ZBBX: variants seen among roughly 807,000 people sequenced by gnomAD.
ZBBX encodes the protein zinc finger B-box domain containing, also known as zinc finger B-box domain-containing protein 1.
In ZBBX, 101 loss-of-function variants were observed where a neutral mutation model predicts 108.5. The ratio of observed to expected loss-of-function variants is 0.93; its 90% CI spans 0.79 to 1.10. The LOEUF (loss-of-function observed/expected upper bound fraction) is 1.10, where lower values mean the gene tolerates loss of function less well. ZBBX is among the 50% of genes least tolerant of loss of function. The probability of loss-of-function intolerance (pLI) is 0.00; values close to 1 mark genes in which losing one functional copy is unlikely to be tolerated. For synonymous variants in ZBBX, 356 were observed against 323.4 expected (o/e 1.10, Z -1.08); for missense variants, 1,009 against 941.4 (o/e 1.07, Z -0.94).
chr3:167,327,221 T>C (rs576286910), intron 11 of ZBBX, among the ~76,000 whole-genome samples: 8 of 149,664 alleles, frequency 5.3e-5, no homozygotes, highest in Admixed American at 1.3e-4. Context: ...CTGAAGTTCA[T>C]AGTGGTCCTT....
chr3:167,294,098 A>G (rs1731203602), intron 18 of ZBBX, among the ~76,000 whole-genome samples: 1 of 152,238 alleles, frequency 6.6e-6, no homozygotes, highest in African/African-American at 2.4e-5. Context: ...AAGAATCAAT[A>G]TCATGAAAAT....
chr3:167,327,779 TG>T (rs1458999947), intron 11 of ZBBX, among the ~76,000 whole-genome samples, 162 bp downstream of exon 11: 1 of 151,902 alleles, frequency 6.6e-6, no homozygotes, highest in Non-Finnish European at 1.5e-5. Context: ...CCAGGCATGG[TG>T]GCACGCACTT....
At position 167,305,822 on chromosome 3, in the gene ZBBX, T is replaced by G. The variant is rs1733537692; in HGVS notation, c.1546A>C (p.Asn516His). Reference protein sequence around the residue: ...LKEKNIGLESNQKSDDSCVSL... With the variant: ...LKEKNIGLESHQKSDDSCVSL... Reference sequence around the variant, plus strand: ...ACACAGGAATCATCAGACTTTTGATTACTTTCTAAACCTATATTTTTCTCC... The same window carrying G: ...ACACAGGAATCATCAGACTTTTGATGACTTTCTAAACCTATATTTTTCTCC... Residue 516 changes from asparagine to histidine, a missense_variant, in exon 17 of 22, where the codon AAT (asparagine) becomes CAT (histidine). Physicochemically the swap from Asn to His is moderately conservative, Grantham distance 68. Transcript: ENST00000675490. The G allele has an allele frequency of 6.2e-7, 1 of 1,612,686 alleles. No homozygotes were observed. The highest frequency in any genetic ancestry group is 1.3e-5 in the African/African-American group (1 of 75,008).
At chr3:167,206,522 AAT>A in the ZBBX span, among the ~76,000 whole-genome samples, 9 of 151,734 alleles carry the variant, frequency 5.9e-5, no homozygotes, top group African/African-American at 1.9e-4. Flanking sequence ...AAATAAAAAA[AAT>A]GTCATAATTT....
intron 20 of ZBBX, among the ~76,000 whole-genome samples, chr3:167,250,595 C>A (rs553848826): frequency 6.6e-6 from 1 of 151,124 alleles, no homozygotes; most frequent in African/African-American, 2.4e-5. Context: ...ACCGGAGCCT[C>A]GAAAGATGGC....
the ZBBX span, among the ~76,000 whole-genome samples, chr3:167,195,133 CT>C: frequency 6.6e-6 from 1 of 152,108 alleles, no homozygotes; most frequent in African/African-American, 2.4e-5. Context: ...ATGCAACTTC[CT>C]TCCTAAAGAA....
Position 167,314,055 on chromosome 3 carries a change from GA to G in ZBBX, c.1335del (p.His446MetfsTer11). 6.2e-7 allele frequency: 1 copy of G among 1,606,180 alleles called. No homozygotes were observed. Among genetic ancestry groups the G allele is most frequent in the Non-Finnish European group, 8.5e-7 (1 of 1,176,126 alleles). On this transcript the variant is annotated frameshift_variant, in exon 16 of 22. Coordinates refer to ENST00000675490, the MANE Select transcript of ZBBX (RefSeq NM_001199201.2). LOFTEE classifies it high-confidence loss of function. The stretch of plus-strand genomic sequence containing the variant: ...TCTCTCTTTCCCTTATCGAAAACAT[GA>G]TGTTGATGGATGCCATTTTCATATG... Reference protein sequence around the residue: ...SFPYENGIHQHHVFDKGKRDF... With the variant: ...SFPYENGIHQXHVFDKGKRDF...
Position 167,283,365 on chromosome 3 carries a change from C to T in ZBBX, c.1997-870G>A, listed in dbSNP as rs1391743806. On this transcript the variant is annotated intron_variant, in intron 19 of 21. Coordinates refer to ENST00000675490, the MANE Select transcript of ZBBX (RefSeq NM_001199201.2). ...TAAAAATTCATAGGGCAGGTAAATG[C>T]TTTAATGTAATAAATTATTGTTCTG... Among the ~76,000 whole-genome samples the T allele has an allele frequency of 2.6e-5, 4 of 152,158 alleles. No homozygotes were observed. In the East Asian group the frequency reaches 7.7e-4, roughly 29 times the overall value.
At chr3:167,222,093 T>C in the ZBBX span, among the ~76,000 whole-genome samples, 1 of 151,872 alleles carries the variant, frequency 6.6e-6, no homozygotes, top group Non-Finnish European at 1.5e-5. Flanking sequence ...ATTCAAGAGA[T>C]AGCTGCACTT....
chr3:167,317,704 G>C, intron 12 of ZBBX, 107 bp from the exon 13 acceptor site: 1 of 646,936 alleles, frequency 1.5e-6, no homozygotes, highest in South Asian at 2.3e-5. Context: ...CAAAATTAAT[G>C]ATGAAACCGT....
At chr3:167,244,307 T>C (rs894747242) in intron 20 of ZBBX, among the ~76,000 whole-genome samples, 2 of 152,182 alleles carry the variant, frequency 1.3e-5, no homozygotes, top group African/African-American at 4.8e-5. Context: ...CACCTTTACA[T>C]GTCCTAATGA....
At chr3:167,375,105 T>C (rs1018502333) in intron 2 of ZBBX, among the ~76,000 whole-genome samples, 2 of 152,158 alleles carry the variant, frequency 1.3e-5, no homozygotes, top group Non-Finnish European at 2.9e-5. Flanking sequence ...GTCTAGAAGC[T>C]TTGCTCTAAG....
Position 167,240,741 on chromosome 3 carries a change from T to C in ZBBX, c.*52A>G. ...GTAATCACTTGGTTACTTTTCTCAGTTGTTTGCTTTACTCTGGGTACAAAA... is the reference window on the plus strand; with the variant it reads ...GTAATCACTTGGTTACTTTTCTCAGCTGTTTGCTTTACTCTGGGTACAAAA... On this transcript the variant is annotated 3_prime_UTR_variant, in exon 22 of 22. Transcript: ENST00000675490. 4 of 1,582,902 alleles carry C rather than the reference T, an allele frequency of 2.5e-6. No individual in the cohort carries two copies. The South Asian group carries it at 4.7e-5, about 18-fold the overall frequency.
intron 20 of ZBBX, among the ~76,000 whole-genome samples, chr3:167,250,040 G>T (rs572421254): frequency 7.9e-5 from 12 of 152,202 alleles, no homozygotes; most frequent in Non-Finnish European, 1.2e-4. Context: ...GGCTAAGAGC[G>T]GCCTTGACAA....
chr3:167,186,933 C>G, the ZBBX span, among the ~76,000 whole-genome samples: 1 of 152,086 alleles, frequency 6.6e-6, no homozygotes, highest in African/African-American at 2.4e-5. Flanking sequence ...ACCTATTCAT[C>G]TTTAAAATGT....
chr3:167,259,281 A>C (rs543164042), intron 20 of ZBBX, among the ~76,000 whole-genome samples: 1 of 152,066 alleles, frequency 6.6e-6, no homozygotes, highest in Non-Finnish European at 1.5e-5. Context: ...AGCAGCCTTG[A>C]ATGATCTTTT....
chr3:167,371,524 T>C (rs1280717638), intron 4 of ZBBX, among the ~76,000 whole-genome samples: 1 of 152,186 alleles, frequency 6.6e-6, no homozygotes, highest in Non-Finnish European at 1.5e-5. Context: ...TCTCTAAGCT[T>C]TCGGAGTGCC....
At chr3:167,197,858 A>G in the ZBBX span, among the ~76,000 whole-genome samples, 1 of 152,238 alleles carries the variant, frequency 6.6e-6, no homozygotes, top group African/African-American at 2.4e-5. Context: ...TAATATTGAC[A>G]TATAAGAACT....
At chr3:167,293,853 G>A (rs5923810) in intron 18 of ZBBX, among the ~76,000 whole-genome samples, 2 of 152,140 alleles carry the variant, frequency 1.3e-5, no homozygotes, top group South Asian at 2.1e-4. Flanking sequence ...AAAGTCTCAG[G>A]ATACAAAATC....
Sources: allele counts gnomAD v4.1 joint callset (sites outside exome capture counted in the v4.1 genomes callset), GRCh38; gene constraint gnomAD v4.1.1; transcripts MANE v1.5; gene names NCBI Gene and HGNC (gene_info 2026-07-23, HGNC 2026-07-21).